TCFL5: variants seen among roughly 807,000 people sequenced by gnomAD.
TCFL5 encodes transcription factor-like 5 protein.
Under a neutral mutation model 44.3 loss-of-function variants are expected in TCFL5, and 9 were observed. The ratio of observed to expected loss-of-function variants is 0.20; its 90% CI spans 0.12 to 0.35. TCFL5 has a LOEUF of 0.35. TCFL5 is among the 10% of genes least tolerant of loss of function. TCFL5 has a pLI of 1.00. For synonymous variants in TCFL5, 319 were observed against 271.6 expected (o/e 1.17, Z -1.72); for missense variants, 603 against 613.4 (o/e 0.98, Z 0.18).
At chr20:62,857,291 T>C in intron 4 of TCFL5, 104 bp downstream of exon 4, 1 of 1,470,592 alleles carries the variant, frequency 6.8e-7, no homozygotes, top group South Asian at 1.3e-5. Flanking sequence ...CCTGCTTTAT[T>C]CCCTCTGAAC....
rs116572195 is a variant in TCFL5 at position 62,848,495 on chromosome 20, C to T, written c.1380+5521G>A. ...GTGGCTCAAGCCTGTAATGCCAGCA[C>T]TTTCAGAGGCCGAGGCGGGAGGATC... is the stretch of plus-strand genomic sequence containing the variant. On this transcript the variant is annotated intron_variant, in intron 5 of 5. Coordinates refer to ENST00000335351, the MANE Select transcript of TCFL5 (RefSeq NM_006602.4). Among the ~76,000 whole-genome samples the T allele has an allele frequency of 3.8e-3, 585 of 152,350 alleles. 4 individuals carry two copies. The highest frequency in any genetic ancestry group is 0.013 in the African/African-American group (550 of 41,574).
At chr20:62,843,530 AT>A (rs1211915100) in intron 5 of TCFL5, among the ~76,000 whole-genome samples, 1 of 152,148 alleles carries the variant, frequency 6.6e-6, no homozygotes, top group Non-Finnish European at 1.5e-5. Flanking sequence ...AGATTTGAAA[AT>A]TTCCATAAGT....
At chr20:62,854,594 A>G (rs2063859527) in intron 4 of TCFL5, among the ~76,000 whole-genome samples, 2 of 152,238 alleles carry the variant, frequency 1.3e-5, no homozygotes, top group African/African-American at 4.8e-5. Context: ...TTCACGGGCT[A>G]AATACCCTAC....
chr20:62,845,723 G>A (rs377494060), intron 5 of TCFL5: 2 of 1,606,682 alleles, frequency 1.2e-6, no homozygotes, highest in South Asian at 2.2e-5. Flanking sequence ...AGGACTCGGA[G>A]ACATATTTCT....
At chr20:62,844,971 G>C in intron 5 of TCFL5, 1 of 985,372 alleles carries the variant, frequency 1.0e-6, no homozygotes, top group South Asian at 4.7e-5. Context: ...GCGCCATGCT[G>C]CCATGGATTT....
chr20:62,860,479 C>T (rs2063977776), intron 1 of TCFL5, among the ~76,000 whole-genome samples, 171 bp from the exon 2 acceptor site: 2 of 152,224 alleles, frequency 1.3e-5, no homozygotes, highest in Admixed American at 6.5e-5. Flanking sequence ...CCTCCTCTTC[C>T]TATGGAGGAA....
At position 62,861,167 on chromosome 20, in the gene TCFL5, C is replaced by G. The variant is rs1286096204; in HGVS notation, c.504G>C (p.Ala168=). 1.4e-5 allele frequency: 14 copies of G among 1,018,472 alleles called. No homozygotes were observed. Among genetic ancestry groups the G allele is most frequent in the East Asian group, 9.9e-5 (1 of 10,100 alleles). The allele number at this position is 1,018,472 out of a possible 1,614,324, so 63.1% of individuals were successfully genotyped here. A position where few individuals can be genotyped will look rare whatever the true frequency, so the allele number is the denominator to read the frequency against. ...CCTCGGGCGCGCCGTCGGGTCCAGC[C>G]GCAGCCGCAGCCGCGCCCGCGCCCT... is the stretch of plus-strand genomic sequence containing the variant. The part of the protein sequence containing the change: ...AKEGAGAAAA[A]AGPDGAPEAR... The change falls in exon 1 of 6, where the codon GCG becomes GCC. Residue 168 remains alanine, a synonymous_variant. Transcript: ENST00000335351. The surrounding 1 kb of genome is among the most constrained non-coding windows in gnomAD (Gnocchi z 4.0).
rs763849039 is a variant in TCFL5 at position 62,857,536 on chromosome 20, C to T, written c.1097G>A (p.Gly366Asp). ...GCCTTGTGTGGCGGTGGCACCTTCG[C>T]CCACATTCTGAATCTCTCCAAGGGC... ...RRALGEIQNV[G>D]EGATATQGAW... is the part of the protein sequence containing the mutation. The change falls in exon 4 of 6, where the codon GGC becomes GAC. Residue 366 changes from glycine (G) to aspartate (D), a missense_variant. Physicochemically the swap from Gly to Asp is moderately conservative, Grantham distance 94. This residue lies in a region of TCFL5 where 540 missense variants were observed against 478.7 expected (regional missense o/e 1.13). Transcript: ENST00000335351. The T allele has an allele frequency of 4.3e-6, 7 of 1,614,250 alleles. No individual in the cohort carries two copies. Among genetic ancestry groups the T allele is most frequent in the Middle Eastern group, 3.3e-4 (2 of 6,062 alleles).
rs550176721 is a variant in TCFL5 at position 62,852,978 on chromosome 20, G to A, written c.1380+1038C>T. 4.9e-4 allele frequency: 636 copies of A among 1,286,020 alleles called. 2 individuals carry two copies. The highest frequency in any genetic ancestry group is 6.3e-4 in the Non-Finnish European group (619 of 987,918). The allele number at this position is 1,286,020 out of a possible 1,614,324, so 79.7% of individuals were successfully genotyped here. Reference sequence around the variant, plus strand: ...CTAGTCCGCAGAAGCATGGTCACCCGGTCGGCTGAAGTACATTCACCCAGT... The same window carrying A: ...CTAGTCCGCAGAAGCATGGTCACCCAGTCGGCTGAAGTACATTCACCCAGT... On this transcript the variant is annotated intron_variant, in intron 5 of 5. Transcript: ENST00000335351.
intron 4 of TCFL5, among the ~76,000 whole-genome samples, 195 bp downstream of exon 4, chr20:62,857,200 G>A (rs2063907036): frequency 6.6e-6 from 1 of 152,166 alleles, no homozygotes; most frequent in Non-Finnish European, 1.5e-5. Context: ...CGGAGTCCCG[G>A]GAGTCCTCCT....
At position 62,854,081 on chromosome 20, in the gene TCFL5, T is replaced by A; in HGVS notation, c.1315A>T (p.Thr439Ser). 2 of 1,613,752 alleles carry A rather than the reference T, an allele frequency of 1.2e-6. No homozygotes were observed. Among genetic ancestry groups the A allele is most frequent in the Non-Finnish European group, 1.7e-6 (2 of 1,179,948 alleles). ...AGGAATGCTGTGGTCCACTGCAGAG[T>A]TGTGGCCTTGTCAGTCTCGGCATTG... ...FCNAETDKAT[T>S]LQWTTAFLKY... Residue 439 changes from threonine to serine, a missense_variant, in exon 5 of 6, where the codon ACT becomes TCT. Coordinates refer to ENST00000335351, the MANE Select transcript of TCFL5 (RefSeq NM_006602.4).
chr20:62,845,808 C>A (rs187680217), intron 5 of TCFL5: 1 of 1,602,856 alleles, frequency 6.2e-7, no homozygotes, highest in Admixed American at 1.7e-5. Flanking sequence ...GGCAATGTGT[C>A]CAGGCTGCTC....
chr20:62,845,191 A>G, intron 5 of TCFL5: 1 of 953,878 alleles, frequency 1.0e-6, no homozygotes, highest in Non-Finnish European at 1.3e-6. Context: ...GCACGATCTC[A>G]GCTCACTGCA....
chr20:62,857,061 C>T (rs1165997957), intron 4 of TCFL5, among the ~76,000 whole-genome samples: 1 of 152,208 alleles, frequency 6.6e-6, no homozygotes, highest in Non-Finnish European at 1.5e-5. Flanking sequence ...GAGGGGCAAC[C>T]TGCCTGACTC....
At chr20:62,843,457 G>C (rs1228207875) in intron 5 of TCFL5, among the ~76,000 whole-genome samples, 1 of 151,878 alleles carries the variant, frequency 6.6e-6, no homozygotes, top group African/African-American at 2.4e-5. Flanking sequence ...GGGGATAGGT[G>C]AAACAAGCTG....
intron 5 of TCFL5, chr20:62,851,665 T>C: frequency 2.0e-6 from 2 of 985,388 alleles, no homozygotes; most frequent in Non-Finnish European, 2.4e-6. Flanking sequence ...CAACTTAAAT[T>C]ATGCAACTCG....
rs756735358 is a variant in TCFL5 at position 62,860,313 on chromosome 20, C to T, written c.648-5G>A. Reference sequence around the variant, plus strand: ...TGTCGAATGAGAGTTACCAAACTGCCAAGACAAAAGAAAGCCCAGAAGTGT... The same window carrying T: ...TGTCGAATGAGAGTTACCAAACTGCTAAGACAAAAGAAAGCCCAGAAGTGT... On this transcript the variant is annotated splice_polypyrimidine_tract_variant and splice_region_variant and intron_variant, in intron 1 of 5. Transcript: ENST00000335351. The T allele has an allele frequency of 2.0e-5, 32 of 1,600,978 alleles. No homozygotes were observed. The highest frequency in any genetic ancestry group is 6.8e-6 in the Non-Finnish European group (8 of 1,169,254).
intron 5 of TCFL5, among the ~76,000 whole-genome samples, chr20:62,846,701 G>GGCTGCACTAAGCTGTGGTTGC (rs2063747675): frequency 6.6e-6 from 1 of 150,460 alleles, no homozygotes; most frequent in African/African-American, 2.5e-5. Context: ...AAGAGGACGA[G>GGCTGCACTAAGCTGTGGTTGC]GCTGCACTAA....
intron 5 of TCFL5, among the ~76,000 whole-genome samples, chr20:62,844,575 G>GTTTTTTTTTTTTTTT (rs1169875367): frequency 1.5e-5 from 2 of 130,234 alleles, no homozygotes; most frequent in African/African-American, 7.8e-5. Flanking sequence ...TTTTTTGTTT[G>GTTTTTTTTTTTTTTT]TTTTTTGTTT....
Sources: gnomAD v4.1 joint callset for allele counts (sites outside exome capture counted in the v4.1 genomes callset) on GRCh38, gnomAD v4.1.1 for gene constraint, gnomAD v4.1.1 regional missense constraint, Gnocchi (gnomAD v3.1) non-coding constraint, MANE v1.5 for transcripts, NCBI Gene and HGNC (gene_info 2026-07-23, HGNC 2026-07-21) for gene names.